CSMD1: variants seen among roughly 807,000 people sequenced by gnomAD.
CSMD1 encodes the protein CUB and sushi domain-containing protein 1.
CSMD1 carries 213 observed loss-of-function variants against 417.5 expected under a neutral mutation model. That is an observed-to-expected ratio of 0.51 (90% CI 0.46 to 0.57). The LOEUF is 0.57. Ranked by LOEUF, CSMD1 falls within the 20% of genes least tolerant of loss-of-function variation. CSMD1 has a pLI of 0.00. For synonymous variants in CSMD1, 2,862 were observed against 1,736.8 expected (o/e 1.65, Z -16.11); for missense variants, 6,923 against 4,529.7 (o/e 1.53, Z -15.17).
chr8:3,481,013 A>G (rs955989854), intron 11 of CSMD1, among the ~76,000 whole-genome samples: 2 of 151,540 alleles, frequency 1.3e-5, no homozygotes, highest in African/African-American at 4.9e-5. Context: ...AAAATTAGCC[A>G]GGCGTGGTGG....
chr8:3,843,616 G>A (rs1229449426), intron 5 of CSMD1, among the ~76,000 whole-genome samples: 1 of 152,102 alleles, frequency 6.6e-6, no homozygotes, highest in African/African-American at 2.4e-5. Context: ...ATTTTAAAGA[G>A]AAATTTGTTA....
intron 7 of CSMD1, among the ~76,000 whole-genome samples, chr8:3,627,006 A>G (rs2449220): frequency 0.11 from 17,026 of 152,002 alleles, 1,252 homozygotes; most frequent in African/African-American, 0.2. Flanking sequence ...AAAGGAAATA[A>G]GTTCAAGTAT....
chr8:4,403,497 A>C (rs574253906), intron 3 of CSMD1, among the ~76,000 whole-genome samples: 2 of 152,162 alleles, frequency 1.3e-5, no homozygotes, highest in African/African-American at 4.8e-5. Flanking sequence ...TCCAGTGAAA[A>C]ATCACCTCTC....
intron 1 of CSMD1, among the ~76,000 whole-genome samples, chr8:4,650,604 A>G (rs957144064): frequency 1.5e-4 from 23 of 152,080 alleles, no homozygotes; most frequent in African/African-American, 5.6e-4. Flanking sequence ...TTGCTATACA[A>G]AGTATTTTGG....
rs1796966233 is a variant in CSMD1 at position 3,744,436 on chromosome 8, CA to C, written c.931+9493del. Among the ~76,000 whole-genome samples, 2 of 151,848 alleles carry C rather than the reference CA, an allele frequency of 1.3e-5. 1 individual carries two copies. The highest frequency in any genetic ancestry group is 4.1e-4 in the South Asian group (2 of 4,820). Reference sequence around the variant, plus strand: ...TTTTATTCCATAGAAAGATTTTAACCAGGAAAAAAGTCTAGGAAACTAGATT... The same window carrying C: ...TTTTATTCCATAGAAAGATTTTAACCGGAAAAAAGTCTAGGAAACTAGATT... On this transcript the variant is annotated intron_variant, in intron 6 of 69. Transcript: ENST00000635120.
At chr8:3,637,512 A>G (rs10099572) in intron 7 of CSMD1, among the ~76,000 whole-genome samples, 71,347 of 151,686 alleles carry the variant, frequency 0.47, 16,873 homozygotes, top group Middle Eastern at 0.64. Context: ...TAAAATATAC[A>G]AAACTACCTG....
At chr8:4,082,038 G>A (rs779457041) in intron 3 of CSMD1, among the ~76,000 whole-genome samples, 1 of 152,044 alleles carries the variant, frequency 6.6e-6, no homozygotes, top group Non-Finnish European at 1.5e-5. Flanking sequence ...GAGAAATTAG[G>A]AAAGCCAAAG....
At chr8:4,616,033 A>C (rs1430923717) in intron 2 of CSMD1, among the ~76,000 whole-genome samples, 1 of 152,182 alleles carries the variant, frequency 6.6e-6, no homozygotes, top group African/African-American at 2.4e-5. Context: ...TTTCGGATGA[A>C]ATAAACTTAG....
At chr8:3,548,517 G>C (rs773604221) in intron 10 of CSMD1, among the ~76,000 whole-genome samples, 1 of 151,728 alleles carries the variant, frequency 6.6e-6, no homozygotes, top group Non-Finnish European at 1.5e-5. Flanking sequence ...TCATAGCTTA[G>C]CTCCTGCTTG....
chr8:3,056,149 G>C (rs1318497506), intron 49 of CSMD1, among the ~76,000 whole-genome samples: 20 of 152,152 alleles, frequency 1.3e-4, no homozygotes, highest in Non-Finnish European at 2.9e-5. Flanking sequence ...TTATTAAAGA[G>C]AGCAAAGAGT....
At chr8:3,462,358 T>G (rs1014862346) in intron 12 of CSMD1, among the ~76,000 whole-genome samples, 16 of 152,122 alleles carry the variant, frequency 1.1e-4, no homozygotes, top group Non-Finnish European at 1.5e-5. Context: ...CCAGTACTCG[T>G]CCATGGCCTG....
intron 23 of CSMD1, among the ~76,000 whole-genome samples, chr8:3,326,090 G>A (rs1274550565): frequency 6.6e-6 from 1 of 152,176 alleles, no homozygotes; most frequent in Admixed American, 6.5e-5. Context: ...TCCCATTACA[G>A]CCACAGAATG....
Position 3,634,618 on chromosome 8 carries a change from T to G in CSMD1, c.1010-17821A>C, listed in dbSNP as rs1390412586. Among the ~76,000 whole-genome samples the G allele has an allele frequency of 2.0e-5, 3 of 152,168 alleles. No homozygotes were observed. In the East Asian group the frequency reaches 5.8e-4, roughly 29 times the overall value. On this transcript the variant is annotated intron_variant, in intron 7 of 69. Coordinates refer to ENST00000635120, the MANE Select transcript of CSMD1 (RefSeq NM_033225.6). ...TGACCTTCCTGAGCTCTGTGCAGCCTTCTATCAAATTACTTAACTCGAGAG... is the reference window on the plus strand; with the variant it reads ...TGACCTTCCTGAGCTCTGTGCAGCCGTCTATCAAATTACTTAACTCGAGAG...
chr8:3,639,459 T>A (rs529616470), intron 7 of CSMD1, among the ~76,000 whole-genome samples: 2 of 152,180 alleles, frequency 1.3e-5, no homozygotes, highest in African/African-American at 2.4e-5. Context: ...GTCTATGACC[T>A]GAATTGTCTA....
intron 2 of CSMD1, among the ~76,000 whole-genome samples, chr8:4,458,058 G>A (rs547963376): frequency 6.3e-4 from 96 of 151,954 alleles, no homozygotes; most frequent in Admixed American, 2.2e-3. Flanking sequence ...TTACCCCTGA[G>A]GTACACAATC....
In CSMD1 at chr8:3,931,620, A is replaced by AGAGAGAAAAGTG; in HGVS notation, c.818+66282_818+66283insCACTTTTCTCTC. ...CAAATCATTGCGCCAAGAGTTAGAG[A>AGAGAGAAAAGTG]CAGAGAAAAGTGCCTCAGGATGTCT... On this transcript the variant is annotated intron_variant, in intron 5 of 69. Coordinates refer to ENST00000635120, the MANE Select transcript of CSMD1 (RefSeq NM_033225.6). 1.3e-5 allele frequency among the ~76,000 whole-genome samples: 2 copies of AGAGAGAAAAGTG among 149,838 alleles called. 1 individual carries two copies. Among genetic ancestry groups the AGAGAGAAAAGTG allele is most frequent in the Non-Finnish European group, 3.0e-5 (2 of 67,426 alleles).
chr8:3,987,711 C>T (rs1046032188), intron 5 of CSMD1, among the ~76,000 whole-genome samples: 3 of 152,150 alleles, frequency 2.0e-5, no homozygotes, highest in Non-Finnish European at 4.4e-5. Context: ...CAAGGTGGAA[C>T]GAGGTCACTA....
At position 4,103,849 on chromosome 8, in the gene CSMD1, C is replaced by T. The variant is rs188670725; in HGVS notation, c.416-71750G>A. Among the ~76,000 whole-genome samples the T allele has an allele frequency of 5.3e-3, 811 of 152,298 alleles. 6 individuals carry two copies. The highest frequency in any genetic ancestry group is 0.019 in the African/African-American group (777 of 41,564). On this transcript the variant is annotated intron_variant, in intron 3 of 69. Coordinates refer to ENST00000635120, the MANE Select transcript of CSMD1 (RefSeq NM_033225.6). ...TTCATAAAATGCTCTAACTCCCTGG[C>T]AGCATTGTCTGGTGCTATATCTCTT...
chr8:4,327,677 A>T (rs1168458087), intron 3 of CSMD1, among the ~76,000 whole-genome samples: 1 of 152,230 alleles, frequency 6.6e-6, no homozygotes, highest in African/African-American at 2.4e-5. Flanking sequence ...ATGTTTCTAG[A>T]ATGTATTTTG....
Sources: gnomAD v4.1 joint callset for allele counts (sites outside exome capture counted in the v4.1 genomes callset) on GRCh38, gnomAD v4.1.1 for gene constraint, MANE v1.5 for transcripts, NCBI Gene and HGNC (gene_info 2026-07-23, HGNC 2026-07-21) for gene names.